WDPCP: variants seen among roughly 807,000 people sequenced by gnomAD.
WDPCP encodes the protein WD repeat containing planar cell polarity effector, also known as WD repeat-containing and planar cell polarity effector protein fritz homolog.
Under a neutral mutation model 93.1 loss-of-function variants are expected in WDPCP, and 71 were observed. The ratio of observed to expected loss-of-function variants is 0.76; its 90% CI spans 0.63 to 0.93. The LOEUF is 0.93. Among genes scored for constraint, WDPCP ranks in the 40% least tolerant of loss-of-function variants. The pLI is 0.00. For synonymous variants in WDPCP, 315 were observed against 315.0 expected (o/e 1.00, Z 0.00); for missense variants, 844 against 887.4 (o/e 0.95, Z 0.62).
chr2:63,380,258 A>C (rs1692189229), intron 11 of WDPCP, among the ~76,000 whole-genome samples: 1 of 151,702 alleles, frequency 6.6e-6, no homozygotes, highest in Non-Finnish European at 1.5e-5. Flanking sequence ...TTAAGTATAC[A>C]CTCAGTCATT....
intron 3 of WDPCP, among the ~76,000 whole-genome samples, chr2:63,611,773 T>G (rs1314926779): frequency 6.6e-6 from 1 of 152,228 alleles, no homozygotes; most frequent in Non-Finnish European, 1.5e-5. Context: ...GTCACCTAAT[T>G]GGTATCATCC....
chr2:63,398,500 T>C (rs2105113959), intron 10 of WDPCP, among the ~76,000 whole-genome samples: 1 of 152,334 alleles, frequency 6.6e-6, no homozygotes, highest in East Asian at 1.9e-4. Context: ...GATGGACTTT[T>C]AATGCCCAAC....
At chr2:63,127,662 C>CATATAT (rs67091232) in intron 17 of WDPCP, among the ~76,000 whole-genome samples, 1,922 of 131,590 alleles carry the variant, frequency 0.015, 16 homozygotes, top group Middle Eastern at 0.023. Context: ...TGTGTATGTG[C>CATATAT]ATATATATAT....
At chr2:63,483,294 G>A (rs1700377392) in intron 6 of WDPCP, among the ~76,000 whole-genome samples, 1 of 151,792 alleles carries the variant, frequency 6.6e-6, no homozygotes, top group African/African-American at 2.4e-5. Flanking sequence ...GAAACTTTCT[G>A]GAGCGTATTT....
chr2:63,367,160 TTAATTTTACTGTGACCTAAGGCTAC>T (rs1285134904), intron 12 of WDPCP, among the ~76,000 whole-genome samples: 4 of 151,752 alleles, frequency 2.6e-5, no homozygotes, highest in Admixed American at 6.6e-5. Flanking sequence ...TTCTTTCTGT[TTAATTTTACTGTGACCTAAGGCTAC>T]TCTAAAAATA....
At chr2:63,341,163 C>G (rs1290717341) in intron 12 of WDPCP, among the ~76,000 whole-genome samples, 1 of 152,192 alleles carries the variant, frequency 6.6e-6, no homozygotes, top group Non-Finnish European at 1.5e-5. Flanking sequence ...GAGTCTCACT[C>G]TGTTGCCCAG....
chr2:63,218,066 T>G (rs1677501831), intron 14 of WDPCP, among the ~76,000 whole-genome samples: 1 of 152,178 alleles, frequency 6.6e-6, no homozygotes. Context: ...AAAATTTGAG[T>G]ACTAATGAGA....
intron 12 of WDPCP, among the ~76,000 whole-genome samples, chr2:63,351,936 G>C (rs1188037460): frequency 6.6e-6 from 1 of 152,120 alleles, no homozygotes; most frequent in Admixed American, 6.6e-5. Flanking sequence ...AGCATCTGTT[G>C]TTTTCTGACT....
In WDPCP at chr2:63,378,587, AG is replaced by A. The variant is rs1211146859; in HGVS notation, c.1625-79del. 3.1e-6 allele frequency: 5 copies of A among 1,599,380 alleles called. No individual in the cohort carries two copies. The East Asian group carries it at 1.1e-4, about 36-fold the overall frequency. On this transcript the variant is annotated intron_variant, in intron 11 of 17. Coordinates refer to ENST00000272321, the MANE Select transcript of WDPCP (RefSeq NM_015910.7). ...CAACAAAATACTCATGTTTGCAGTC[AG>A]TCAGGTTTTGCAGACTTGGATGAAA...
In WDPCP at chr2:63,388,331, A is replaced by T. The variant is rs147224865; in HGVS notation, c.1436-6237T>A. On this transcript the variant is annotated intron_variant, in intron 10 of 17. Transcript: ENST00000272321. ...GGATCTGACTGTTAGAAGGAAAACT[A>T]ACTAACAGAAAGGAATTGAACATCA... Among the ~76,000 whole-genome samples the T allele has an allele frequency of 1.2e-3, 177 of 152,286 alleles. 2 individuals are homozygous for T. The highest frequency in any genetic ancestry group is 3.9e-3 in the African/African-American group (163 of 41,572).
intron 14 of WDPCP, among the ~76,000 whole-genome samples, chr2:63,236,002 A>C (rs1014466966): frequency 6.6e-6 from 1 of 152,204 alleles, no homozygotes. Flanking sequence ...AATCAGGAGA[A>C]GAGAAAGAAA....
chr2:63,575,506 CACTGTATATAT>C (rs1184425987), intron 1 of WDPCP, among the ~76,000 whole-genome samples: 6 of 79,150 alleles, frequency 7.6e-5, no homozygotes, highest in Middle Eastern at 0.012. Flanking sequence ...ACAGTATATA[CACTGTATATAT>C]AGTATATACA....
At chr2:63,283,444 A>G (rs1312794784) in intron 13 of WDPCP, among the ~76,000 whole-genome samples, 1 of 152,256 alleles carries the variant, frequency 6.6e-6, no homozygotes, top group African/African-American at 2.4e-5. Flanking sequence ...GCAGCCTGTG[A>G]GCCAAATACA....
At chr2:63,195,173 C>G (rs183855111) in intron 14 of WDPCP, among the ~76,000 whole-genome samples, 1 of 151,980 alleles carries the variant, frequency 6.6e-6, no homozygotes, top group Admixed American at 6.6e-5. Context: ...GACTCAAAAC[C>G]AAGATGACAT....
chr2:63,358,424 G>C (rs1417767887), intron 12 of WDPCP, among the ~76,000 whole-genome samples: 1 of 152,064 alleles, frequency 6.6e-6, no homozygotes, highest in African/African-American at 2.4e-5. Flanking sequence ...AGGAGATTCA[G>C]ATGATTTGAT....
chr2:63,808,347 C>T (rs1217344082), intron 2 of WDPCP, among the ~76,000 whole-genome samples: 13 of 126,386 alleles, frequency 1.0e-4, no homozygotes, highest in Middle Eastern at 4.3e-3. Flanking sequence ...CCTCTCCCCA[C>T]GGTCTCCCTC....
At chr2:63,174,890 T>G in intron 14 of WDPCP, 58 bp from the exon 15 acceptor site, 1 of 1,563,114 alleles carries the variant, frequency 6.4e-7, no homozygotes, top group Non-Finnish European at 8.8e-7. Flanking sequence ...GCTAACTCCC[T>G]TATAAGTAAG....
At chr2:63,279,902 C>T (rs1012636597) in intron 13 of WDPCP, among the ~76,000 whole-genome samples, 1 of 152,102 alleles carries the variant, frequency 6.6e-6, no homozygotes, top group Non-Finnish European at 1.5e-5. Flanking sequence ...AAAGAAAATA[C>T]TTAGGAATAT....
intron 12 of WDPCP, among the ~76,000 whole-genome samples, chr2:63,333,707 A>G (rs1215519522): frequency 6.6e-6 from 1 of 152,148 alleles, no homozygotes; most frequent in Non-Finnish European, 1.5e-5. Context: ...GTATTTCTTA[A>G]ATGTATTTAA....
Sources: gnomAD v4.1 joint callset for allele counts (sites outside exome capture counted in the v4.1 genomes callset) on GRCh38, gnomAD v4.1.1 for gene constraint, MANE v1.5 for transcripts, NCBI Gene and HGNC (gene_info 2026-07-23, HGNC 2026-07-21) for gene names.